LRRC66: variants seen among roughly 807,000 people sequenced by gnomAD.
LRRC66 encodes leucine rich repeat containing 66.
LRRC66 carries 29 observed loss-of-function variants against 24.6 expected under a neutral mutation model. The ratio of observed to expected loss-of-function variants is 1.18; its 90% CI spans 0.88 to 1.61. The LOEUF is 1.61. Ranked by LOEUF, LRRC66 falls within the 40% of genes most tolerant of loss-of-function variation. LRRC66 has a pLI of 0.00. For missense variants in LRRC66, 1,124 were observed against 1,058.0 expected (o/e 1.06, Z -0.87); for synonymous variants, 411 against 397.6 (o/e 1.03, Z -0.40).
chr4:52,014,652 C>T (rs1485560761), intron 2 of LRRC66, among the ~76,000 whole-genome samples: 1 of 152,212 alleles, frequency 6.6e-6, no homozygotes, highest in Non-Finnish European at 1.5e-5. Context: ...CAGAGCAACT[C>T]AGCCATAGTC....
At chr4:52,014,343 GAAT>G (rs774653379) in intron 2 of LRRC66, among the ~76,000 whole-genome samples, 7 of 152,186 alleles carry the variant, frequency 4.6e-5, no homozygotes, top group Non-Finnish European at 1.0e-4. Flanking sequence ...TATGCCAAGA[GAAT>G]AATAAAAACT....
intron 2 of LRRC66, among the ~76,000 whole-genome samples, chr4:52,009,287 T>A (rs1736649457): frequency 6.6e-6 from 1 of 152,068 alleles, no homozygotes; most frequent in Non-Finnish European, 1.5e-5. Flanking sequence ...GCACTAAATG[T>A]CTATTAAAGA....
intron 2 of LRRC66, among the ~76,000 whole-genome samples, chr4:52,012,396 C>T (rs917601044): frequency 2.0e-5 from 3 of 152,070 alleles, no homozygotes; most frequent in African/African-American, 7.2e-5. Flanking sequence ...TTTACACCTC[C>T]TGAATGAAAA....
chr4:52,006,330 A>G (rs1736585154), intron 2 of LRRC66, among the ~76,000 whole-genome samples: 1 of 152,168 alleles, frequency 6.6e-6, no homozygotes, highest in Non-Finnish European at 1.5e-5. Flanking sequence ...GATTGGATTA[A>G]GAAAATGTGG....
Position 51,994,421 on chromosome 4 carries a change from A to T in LRRC66, c.2601T>A (p.Asp867Glu). The part of the protein sequence containing the change: ...PCSAEVPSDP[D>E]KAAFHERDSD... ...AGTCTCTTTCATGGAAGGCAGCCTT[A>T]TCAGGATCTGAGGGAACTTCAGCAG... The change falls in exon 5 of 5, where the codon GAT becomes GAA. Residue 867 changes from aspartate to glutamate, a missense_variant. Coordinates refer to ENST00000682860, the MANE Select transcript of LRRC66 (RefSeq NM_001024611.3). 6.2e-7 allele frequency: 1 copy of T among 1,613,940 alleles called. No individual in the cohort carries two copies. Among genetic ancestry groups the T allele is most frequent in the Non-Finnish European group, 8.5e-7 (1 of 1,179,970 alleles).
chr4:52,012,637 T>C (rs1158124212), intron 2 of LRRC66, among the ~76,000 whole-genome samples: 1 of 152,122 alleles, frequency 6.6e-6, no homozygotes, highest in East Asian at 1.9e-4. Flanking sequence ...GTATGGTGCA[T>C]TCACGGCTGG....
At chr4:52,017,097 C>T (rs1329317705) in intron 2 of LRRC66, 21 bp downstream of exon 2, 2 of 1,577,416 alleles carry the variant, frequency 1.3e-6, no homozygotes, top group East Asian at 4.5e-5. Context: ...TGTTTCTCTG[C>T]CTAGTTAAAA....
chr4:52,008,355 G>C (rs1327713082), intron 2 of LRRC66, among the ~76,000 whole-genome samples: 1 of 150,158 alleles, frequency 6.7e-6, no homozygotes, highest in African/African-American at 2.5e-5. Flanking sequence ...TGGATTATAA[G>C]TATAATATGC....
At chr4:52,009,391 A>G (rs1736650755) in intron 2 of LRRC66, among the ~76,000 whole-genome samples, 1 of 152,172 alleles carries the variant, frequency 6.6e-6, no homozygotes, top group East Asian at 1.9e-4. Context: ...GAAATCATAA[A>G]GATCAGAGAA....
chr4:51,995,231 T>G lies in LRRC66; in HGVS notation c.1791A>C (p.Ala597=), dbSNP rs1226222463. The change falls in exon 5 of 5, where the codon GCA becomes GCC. Residue 597 remains alanine, a synonymous_variant. Transcript: ENST00000682860. ...SLCKMLTHAE[A]QRTGDSKERG... ...TTTCCTTACTATCTCCAGTCCTCTG[T>G]GCTTCTGCATGTGTTAGCATTTTAC... 2 of 1,614,104 alleles carry G rather than the reference T, an allele frequency of 1.2e-6. No individual in the cohort carries two copies. Among genetic ancestry groups the G allele is most frequent in the Non-Finnish European group, 1.7e-6 (2 of 1,180,052 alleles).
At chr4:52,019,419 T>C (rs1256372587) in intron 1 of LRRC66, among the ~76,000 whole-genome samples, 2 of 152,170 alleles carry the variant, frequency 1.3e-5, no homozygotes, top group Admixed American at 1.3e-4. Flanking sequence ...TTTTTAATAG[T>C]CTGCAGTCTG....
Position 51,994,373 on chromosome 4 carries a change from A to G in LRRC66, c.*6T>C. 1 of 1,598,588 alleles carries G rather than the reference A, an allele frequency of 6.3e-7. No individual in the cohort carries two copies. The highest frequency in any genetic ancestry group is 8.5e-7 in the Non-Finnish European group (1 of 1,173,298). Reference sequence around the variant, plus strand: ...GAGCTGTGAATATTTCCTTAATGAAAGATTCTTATTTTAAAATGTCTGAGT... The same window carrying G: ...GAGCTGTGAATATTTCCTTAATGAAGGATTCTTATTTTAAAATGTCTGAGT... On this transcript the variant is annotated 3_prime_UTR_variant, in exon 5 of 5. Coordinates refer to ENST00000682860, the MANE Select transcript of LRRC66 (RefSeq NM_001024611.3).
chr4:51,994,215 G>C lies in LRRC66; in HGVS notation c.*164C>G, dbSNP rs995373540. ...AGCTTATAACCCTTCTAGAATCATCGCCCTCAAGTGGGCCCACAAAACCCT... is the reference window on the plus strand; with the variant it reads ...AGCTTATAACCCTTCTAGAATCATCCCCCTCAAGTGGGCCCACAAAACCCT... On this transcript the variant is annotated 3_prime_UTR_variant, in exon 5 of 5. Coordinates refer to ENST00000682860, the MANE Select transcript of LRRC66 (RefSeq NM_001024611.3). 1 of 640,516 alleles carries C rather than the reference G, an allele frequency of 1.6e-6. No individual in the cohort carries two copies. Among genetic ancestry groups the C allele is most frequent in the African/African-American group, 1.8e-5 (1 of 54,522 alleles). The allele number at this position is 640,516 out of a possible 1,614,324, so 39.7% of individuals were successfully genotyped here.
At chr4:52,009,807 G>A (rs1433202887) in intron 2 of LRRC66, among the ~76,000 whole-genome samples, 16 of 152,160 alleles carry the variant, frequency 1.1e-4, no homozygotes, top group African/African-American at 1.4e-4. Context: ...TCCAGAAGAC[G>A]GAAGAGGAAT....
At chr4:52,007,330 C>T (rs1249936259) in intron 2 of LRRC66, among the ~76,000 whole-genome samples, 1 of 151,910 alleles carries the variant, frequency 6.6e-6, no homozygotes, top group Admixed American at 6.6e-5. Context: ...AGGTGTGTGC[C>T]ACTATGTCTG....
At chr4:52,003,621 T>C (rs1390666649) in intron 2 of LRRC66, among the ~76,000 whole-genome samples, 2 of 152,138 alleles carry the variant, frequency 1.3e-5, no homozygotes, top group Non-Finnish European at 2.9e-5. Context: ...CAGAATAGTA[T>C]AAAGTCCAAT....
chr4:51,994,443 G>A lies in LRRC66; in HGVS notation c.2579C>T (p.Ala860Val). The change falls in exon 5 of 5, where the codon GCT becomes GTT. Residue 860 changes from alanine to valine, a missense_variant. Ala to Val is a moderately conservative substitution (Grantham distance 64, BLOSUM62 0). Transcript: ENST00000682860. ...DVLQQTPPCS[A>V]EVPSDPDKAA... Reference sequence around the variant, plus strand: ...CTTATCAGGATCTGAGGGAACTTCAGCAGAACATGGTGGTGTTTGCTGTAA... The same window carrying A: ...CTTATCAGGATCTGAGGGAACTTCAACAGAACATGGTGGTGTTTGCTGTAA... 1 of 1,614,234 alleles carries A rather than the reference G, an allele frequency of 6.2e-7. No homozygotes were observed. Among genetic ancestry groups the A allele is most frequent in the South Asian group, 1.1e-5 (1 of 91,080 alleles).
chr4:51,994,817 C>T lies in LRRC66; in HGVS notation c.2205G>A (p.Leu735=), dbSNP rs1736254171. 5.6e-6 allele frequency: 9 copies of T among 1,614,128 alleles called. No homozygotes were observed. The highest frequency in any genetic ancestry group is 7.6e-6 in the Non-Finnish European group (9 of 1,180,056). ...TGCTTGCCCCTGAGCTCTCGTCCTG[C>T]AGGGACTCCTCATCAGGCACTGCCT... is the stretch of plus-strand genomic sequence containing the variant. ...TEEAVPDEES[L]QDESSGASKD... The change falls in exon 5 of 5, where the codon CTG becomes CTA. Residue 735 remains leucine, a synonymous_variant. Transcript: ENST00000682860.
At chr4:52,005,874 T>C (rs1736570707) in intron 2 of LRRC66, among the ~76,000 whole-genome samples, 1 of 152,222 alleles carries the variant, frequency 6.6e-6, no homozygotes, top group African/African-American at 2.4e-5. Flanking sequence ...GAAGGCCAGT[T>C]GTTAAATATT....
Sources: allele counts gnomAD v4.1 joint callset (sites outside exome capture counted in the v4.1 genomes callset), GRCh38; gene constraint gnomAD v4.1.1; transcripts MANE v1.5; gene names NCBI Gene and HGNC (gene_info 2026-07-23, HGNC 2026-07-21).